PUDP: variants seen among roughly 807,000 people sequenced by gnomAD.
PUDP encodes the protein pseudouridine-5'-phosphatase.
In PUDP, 8 loss-of-function variants were observed where a neutral mutation model predicts 9.4. That is an observed-to-expected ratio of 0.85 (90% CI 0.50 to 1.53). The LOEUF is 1.53. Ranked by LOEUF, PUDP falls within the 40% of genes most tolerant of loss-of-function variation. PUDP has a pLI of 0.00. For missense variants in PUDP, 188 were observed against 189.7 expected (o/e 0.99, Z 0.05); for synonymous variants, 99 against 80.7 (o/e 1.23, Z -1.22).
intron 3 of PUDP, among the ~76,000 whole-genome samples, chrX:6,866,216 A>T (rs368425007): frequency 1.9e-3 from 191 of 101,927 alleles, no homozygotes; most frequent in Middle Eastern, 0.011. Context: ...GAGCCACCAT[A>T]CCCAGCTGAA....
Position 6,947,775 on chromosome X carries a change from AAAATAAATAAATAAAT to A in PUDP, c.*247+29342_*247+29357del, listed in dbSNP as rs200121266. ...CCAGACGTAGTGAGACCCTGTCTCA[AAAATAAATAAATAAAT>A]AAATAAATAAATAAATAAATAAATA... On this transcript the variant is annotated intron_variant and NMD_transcript_variant, in intron 3 of 3. Coordinates refer to the PUDP transcript ENST00000655425. 4.1e-3 allele frequency among the ~76,000 whole-genome samples: 394 copies of A among 96,897 alleles called. 5 individuals carry two copies. Among genetic ancestry groups the A allele is most frequent in the African/African-American group, 0.014 (362 of 26,522 alleles). The allele number at this position is 96,897 out of a possible 115,157, so 84.1% of individuals were successfully genotyped here.
At chrX:7,036,161 G>C (rs1236951924) in intron 1 of PUDP, among the ~76,000 whole-genome samples, 1 of 111,576 alleles carries the variant, frequency 9.0e-6, no homozygotes, top group Non-Finnish European at 1.9e-5. Flanking sequence ...AAATTATCCA[G>C]CCTCAGGTAT....
intron 1 of PUDP, among the ~76,000 whole-genome samples, chrX:7,117,210 T>G (rs765452055): frequency 9.0e-6 from 1 of 110,825 alleles, no homozygotes; most frequent in East Asian, 2.8e-4. Context: ...CAGGCAGAGG[T>G]TGGAAGAGTT....
intron 3 of PUDP, among the ~76,000 whole-genome samples, chrX:6,732,902 C>T (rs1208650145): frequency 8.9e-6 from 1 of 111,947 alleles, no homozygotes; most frequent in Non-Finnish European, 1.9e-5. Context: ...TAGTGGTCCA[C>T]AGCCAGGAAA....
intron 1 of PUDP, among the ~76,000 whole-genome samples, chrX:7,112,719 T>C (rs990519161): frequency 1.8e-5 from 2 of 111,790 alleles, no homozygotes; most frequent in South Asian, 3.8e-4. Context: ...CTGAGTATAG[T>C]AGGGTGATCA....
intron 3 of PUDP, among the ~76,000 whole-genome samples, chrX:7,059,837 A>G (rs566361863): frequency 8.9e-6 from 1 of 112,297 alleles, no homozygotes; most frequent in Admixed American, 9.4e-5. Context: ...CAGCATAAAG[A>G]GAGTGCCTTT....
intron 3 of PUDP, among the ~76,000 whole-genome samples, chrX:6,860,275 C>T (rs1367450226): frequency 9.1e-6 from 1 of 110,417 alleles, no homozygotes; most frequent in East Asian, 2.8e-4. Context: ...AGCCATTGTG[C>T]TTGACCCCTA....
At chrX:7,036,554 A>C (rs1464806760) in intron 1 of PUDP, among the ~76,000 whole-genome samples, 4 of 100,005 alleles carry the variant, frequency 4.0e-5, no homozygotes, top group Admixed American at 2.2e-4. Context: ...CTTTTTCTCT[A>C]TCTCTGTCTT....
intron 3 of PUDP, among the ~76,000 whole-genome samples, chrX:6,734,153 A>G (rs1335976239): frequency 1.8e-5 from 2 of 111,063 alleles, no homozygotes; most frequent in African/African-American, 6.6e-5. Context: ...GCAAAGCTCA[A>G]CAAAAAAATC....
chrX:6,713,534 C>A (rs1007239876), intron 1 of PUDP, among the ~76,000 whole-genome samples: 4 of 112,012 alleles, frequency 3.6e-5, no homozygotes, highest in African/African-American at 1.3e-4. Flanking sequence ...ATGTTTAAGG[C>A]AGGCTGGGCA....
chrX:7,088,517 G>GATTT (rs1234949995), intron 2 of PUDP, among the ~76,000 whole-genome samples: 1 of 112,221 alleles, frequency 8.9e-6, no homozygotes, highest in Non-Finnish European at 1.9e-5. Context: ...CTGTGCTGTA[G>GATTT]ATTTGTCTCT....
chrX:6,833,878 T>G (rs898674583), intron 3 of PUDP, among the ~76,000 whole-genome samples: 2 of 112,417 alleles, frequency 1.8e-5, no homozygotes, highest in African/African-American at 6.5e-5. Flanking sequence ...AAAAAATTGA[T>G]GGTTTCCTTC....
chrX:6,916,943 G>A (rs950041597), intron 3 of PUDP, among the ~76,000 whole-genome samples: 2 of 112,043 alleles, frequency 1.8e-5, no homozygotes, highest in Non-Finnish European at 3.8e-5. Flanking sequence ...CTATATCTAT[G>A]CAGATGTTCC....
At chrX:7,006,713 A>C (rs1200508232) in intron 1 of PUDP, among the ~76,000 whole-genome samples, 1 of 111,283 alleles carries the variant, frequency 9.0e-6, no homozygotes, top group East Asian at 2.8e-4. Flanking sequence ...GAATTTCATC[A>C]GAAGCCACAA....
intron 3 of PUDP, among the ~76,000 whole-genome samples, chrX:7,075,551 C>T (rs949148800): frequency 8.9e-6 from 1 of 111,825 alleles, no homozygotes; most frequent in Non-Finnish European, 1.9e-5. Context: ...TTTCAGCCCT[C>T]CCCCTCATCT....
chrX:7,081,417 C>T (rs1931082691), intron 2 of PUDP, among the ~76,000 whole-genome samples: 1 of 112,215 alleles, frequency 8.9e-6, no homozygotes, highest in East Asian at 2.8e-4. Context: ...CCTCTCAAAG[C>T]CCTGGGCTTA....
intron 3 of PUDP, among the ~76,000 whole-genome samples, chrX:6,747,299 C>T (rs1925010957): frequency 8.9e-6 from 1 of 111,834 alleles, no homozygotes; most frequent in African/African-American, 3.2e-5. Flanking sequence ...AGCACACGAG[C>T]CATGGTTTTT....
chrX:7,014,652 T>C (rs1457768795), intron 1 of PUDP, among the ~76,000 whole-genome samples: 2 of 111,970 alleles, frequency 1.8e-5, no homozygotes, highest in African/African-American at 6.5e-5. Flanking sequence ...TTCAAAACTG[T>C]ATTAGATGCT....
At chrX:7,027,097 C>T (rs370114449) in intron 1 of PUDP, among the ~76,000 whole-genome samples, 3 of 111,659 alleles carry the variant, frequency 2.7e-5, no homozygotes, top group South Asian at 3.8e-4. Flanking sequence ...CAGGTATCCA[C>T]GATACCCAAA....
Sources: allele counts gnomAD v4.1 joint callset (sites outside exome capture counted in the v4.1 genomes callset), GRCh38; gene constraint gnomAD v4.1.1; transcripts MANE v1.5; gene names NCBI Gene and HGNC (gene_info 2026-07-23, HGNC 2026-07-21).